Variants in PCBP2 observed in about 807,000 individuals in gnomAD.
The protein encoded by PCBP2 is poly(rC) binding protein 2.
Under a neutral mutation model 50.1 loss-of-function variants are expected in PCBP2, and 4 were observed. The observed-to-expected ratio is 0.08, with a 90% CI of 0.04 to 0.18. The LOEUF is 0.18. Ranked by LOEUF, PCBP2 falls within the 10% of genes least tolerant of loss-of-function variation. The probability of loss-of-function intolerance (pLI) is 1.00; values close to 1 mark genes in which losing one functional copy is unlikely to be tolerated. For missense variants in PCBP2, 161 were observed against 474.3 expected, an observed-to-expected ratio of 0.34 and a Z score of 6.14; for synonymous variants, 179 against 168.0, an observed-to-expected ratio of 1.07 and a Z score of -0.51.
At position 53,454,799 on chromosome 12, in the gene PCBP2, A is replaced by G; in HGVS notation, c.-2A>G. Reference sequence around the variant, plus strand: ...GTCCAGCTCCCCAGAACACTGCTCGACATGGACACCGGTGTGATTGAAGGT... The same window carrying G: ...GTCCAGCTCCCCAGAACACTGCTCGGCATGGACACCGGTGTGATTGAAGGT... On this transcript the variant is annotated 5_prime_UTR_variant, in exon 2 of 15. Coordinates refer to ENST00000546463, the MANE Select transcript of PCBP2 (RefSeq NM_031989.5). The G allele has an allele frequency of 1.2e-6, 2 of 1,614,054 alleles. No individual in the cohort carries two copies. The highest frequency in any genetic ancestry group is 2.7e-5 in the African/African-American group (2 of 75,052).
intron 1 of PCBP2, chr12:53,453,418 A>G: frequency 6.6e-6 from 1 of 152,334 alleles, no homozygotes; most frequent in East Asian, 1.9e-4. Flanking sequence ...GGATTTTGCC[A>G]GCAATTAATT....
intron 10 of PCBP2, among the ~76,000 whole-genome samples, chr12:53,466,206 C>T (rs960179838): frequency 1.3e-5 from 2 of 152,154 alleles, no homozygotes; most frequent in Non-Finnish European, 2.9e-5. Flanking sequence ...TTCTCCTTTC[C>T]CCCTGTGTTT....
At chr12:53,452,656 G>A (rs1250528074) in intron 1 of PCBP2, among the ~76,000 whole-genome samples, 1 of 151,666 alleles carries the variant, frequency 6.6e-6, no homozygotes, top group African/African-American at 2.4e-5. Context: ...GGGGGGCGGC[G>A]GTGGATTTGT....
In PCBP2 at chr12:53,481,010, G is replaced by A. The variant is rs879128347; in HGVS notation, c.*1568G>A. On this transcript the variant is annotated 3_prime_UTR_variant, in exon 15 of 15. Transcript: ENST00000546463. Reference sequence around the variant, plus strand: ...CTCATTCATTTCCACAGCTGCCAGTGTCCCTAGAGTTTATCAGGTGAATTG... The same window carrying A: ...CTCATTCATTTCCACAGCTGCCAGTATCCCTAGAGTTTATCAGGTGAATTG... The A allele has an allele frequency of 1.0e-4, 21 of 209,270 alleles. No homozygotes were observed. The highest frequency in any genetic ancestry group is 3.7e-4 in the South Asian group (2 of 5,378). The allele number at this position is 209,270 out of a possible 1,614,324, so 13.0% of individuals were successfully genotyped here. A position where few individuals can be genotyped will look rare whatever the true frequency, so the allele number is the denominator to read the frequency against.
At chr12:53,466,007 C>T in intron 10 of PCBP2, 34 bp downstream of exon 10, 1 of 1,597,824 alleles carries the variant, frequency 6.3e-7, no homozygotes, top group South Asian at 1.1e-5. Context: ...TTTTGAAAAG[C>T]TCCCTCTCCC....
At chr12:53,472,900 C>T (rs891099834) in intron 14 of PCBP2, among the ~76,000 whole-genome samples, 2 of 152,118 alleles carry the variant, frequency 1.3e-5, no homozygotes, top group Non-Finnish European at 2.9e-5. Flanking sequence ...TGTCCACCCA[C>T]CAAGCACACT....
chr12:53,457,563 C>G (rs1386172108), intron 5 of PCBP2, among the ~76,000 whole-genome samples: 1 of 151,500 alleles, frequency 6.6e-6, no homozygotes, highest in Admixed American at 6.6e-5. Flanking sequence ...CTAGGCTCGT[C>G]TTGAACTCTT....
chr12:53,454,918 G>T (rs760752489), intron 2 of PCBP2, 49 bp downstream of exon 2: 15 of 1,460,220 alleles, frequency 1.0e-5, no homozygotes, highest in East Asian at 4.5e-5. Context: ...TAGGGGAGGG[G>T]CCAGGAAGAG....
At chr12:53,471,939 T>G in intron 14 of PCBP2, 132 bp downstream of exon 14, 2 of 607,742 alleles carry the variant, frequency 3.3e-6, no homozygotes, top group South Asian at 2.7e-5. Context: ...TTTTTTTTTT[T>G]GCTAGCTCTA....
chr12:53,461,226 AT>A, intron 7 of PCBP2, 83 bp downstream of exon 7: 1 of 1,481,478 alleles, frequency 6.8e-7, no homozygotes, highest in East Asian at 2.4e-5. Context: ...TAAGACTAGA[AT>A]TAAGTGAGGC....
intron 14 of PCBP2, among the ~76,000 whole-genome samples, chr12:53,478,426 A>G (rs531991000): frequency 1.8e-4 from 27 of 152,020 alleles, no homozygotes; most frequent in Non-Finnish European, 2.5e-4. Flanking sequence ...GAGAATCGCT[A>G]GAACACGGGA....
chr12:53,471,799 C>G lies in PCBP2; in HGVS notation c.1044C>G (p.Ile348Met). The G allele has an allele frequency of 6.2e-7, 1 of 1,611,692 alleles. No individual in the cohort carries two copies. Among genetic ancestry groups the G allele is most frequent in the Non-Finnish European group, 8.5e-7 (1 of 1,179,398 alleles). ...GCATTAGCCTGGCTCAATATCTAAT[C>G]AATGTCAGGTAAGATTGCTCTACCT... The part of the protein sequence containing the change: ...AASISLAQYL[I>M]NVRLSSETGG... The change falls in exon 14 of 15, where the codon ATC becomes ATG. Residue 348 changes from isoleucine to methionine, a missense_variant. Ile to Met is a conservative substitution (Grantham distance 10). Coordinates refer to ENST00000546463, the MANE Select transcript of PCBP2 (RefSeq NM_031989.5).
rs563462848 is a variant in PCBP2 at position 53,480,891 on chromosome 12, C to G, written c.*1449C>G. Reference sequence around the variant, plus strand: ...TTGGGGATAAAGAATATAAAGACAACCCTGGCTTTTCTATTGCCTTGTTGC... The same window carrying G: ...TTGGGGATAAAGAATATAAAGACAAGCCTGGCTTTTCTATTGCCTTGTTGC... On this transcript the variant is annotated 3_prime_UTR_variant, in exon 15 of 15. Coordinates refer to ENST00000546463, the MANE Select transcript of PCBP2 (RefSeq NM_031989.5). 3.1e-3 allele frequency: 459 copies of G among 148,878 alleles called. 2 individuals are homozygous for G. Among genetic ancestry groups the G allele is most frequent in the Non-Finnish European group, 4.7e-3 (314 of 67,446 alleles). 9.2% of individuals were successfully genotyped at this position (148,878 alleles called of 1,614,324 possible). A position where few individuals can be genotyped will look rare whatever the true frequency, so the allele number is the denominator to read the frequency against.
chr12:53,461,957 C>G (rs1941481576), intron 7 of PCBP2, among the ~76,000 whole-genome samples: 1 of 152,110 alleles, frequency 6.6e-6, no homozygotes, highest in Admixed American at 6.6e-5. Context: ...CATCCACCCG[C>G]CTCAGCCTTC....
chr12:53,468,430 A>C (rs1941969132), intron 12 of PCBP2: 1 of 290,760 alleles, frequency 3.4e-6, no homozygotes, highest in African/African-American at 2.2e-5. Flanking sequence ...AATTTGGAAC[A>C]CAACAGGAAA....
intron 14 of PCBP2, chr12:53,475,504 C>T (rs997968925): frequency 4.1e-6 from 1 of 243,786 alleles, no homozygotes; most frequent in African/African-American, 2.3e-5. Context: ...TGCAATATAA[C>T]AATGTGTTAG....
intron 6 of PCBP2, chr12:53,459,915 C>G (rs1307082326): frequency 2.2e-6 from 1 of 450,552 alleles, no homozygotes; most frequent in African/African-American, 2.0e-5. Context: ...CTCCCACCAC[C>G]ACACCCAAAT....
At chr12:53,467,877 C>T (rs367602072) in intron 12 of PCBP2, 34 bp downstream of exon 12, 9 of 1,472,890 alleles carry the variant, frequency 6.1e-6, no homozygotes, top group African/African-American at 1.4e-5. Flanking sequence ...CTGTAGTATT[C>T]TACTGTTATA....
chr12:53,462,550 A>C lies in PCBP2; in HGVS notation c.562A>C (p.Ile188Leu). The C allele has an allele frequency of 6.2e-7, 1 of 1,613,404 alleles. No homozygotes were observed. The highest frequency in any genetic ancestry group is 2.2e-5 in the East Asian group (1 of 44,878). The change falls in exon 8 of 15, where the codon ATC becomes CTC. Residue 188 changes from isoleucine to leucine, a missense_variant. Transcript: ENST00000546463. ...GCCCAAGCCGTCCAGCTCTCCGGTC[A>C]TCTTTGCAGGTGGTCAGGTAAGAAA... is the stretch of plus-strand genomic sequence containing the variant. Reference protein sequence around the residue: ...YRPKPSSSPVIFAGGQDRYST... With the variant: ...YRPKPSSSPVLFAGGQDRYST...
Sources: gnomAD v4.1 joint callset for allele counts (sites outside exome capture counted in the v4.1 genomes callset) on GRCh38, gnomAD v4.1.1 for gene constraint, MANE v1.5 for transcripts, NCBI Gene and HGNC (gene_info 2026-07-23, HGNC 2026-07-21) for gene names.